EPHA4: variants seen among roughly 807,000 people sequenced by gnomAD.
EPHA4 encodes the protein EPH receptor A4.
EPHA4 carries 19 observed loss-of-function variants against 108.3 expected under a neutral mutation model. The ratio of observed to expected loss-of-function variants is 0.18; its 90% CI spans 0.12 to 0.26. EPHA4 has a LOEUF of 0.26. EPHA4 is among the 10% of genes least tolerant of loss of function. The pLI, the probability that EPHA4 is intolerant of heterozygous loss-of-function variation, is 1.00. For missense variants in EPHA4, 917 were observed against 1,254.0 expected (o/e 0.73, Z 4.06); for synonymous variants, 449 against 455.5 (o/e 0.99, Z 0.18).
chr2:221,493,667 G>C (rs1001247028), intron 4 of EPHA4, among the ~76,000 whole-genome samples: 1 of 152,150 alleles, frequency 6.6e-6, no homozygotes, highest in African/African-American at 2.4e-5. Flanking sequence ...CGAGGGCTTT[G>C]AGTAATAGAA....
chr2:221,470,895 A>G (rs1204090061), intron 5 of EPHA4, among the ~76,000 whole-genome samples: 3 of 152,146 alleles, frequency 2.0e-5, no homozygotes, highest in Non-Finnish European at 4.4e-5. Flanking sequence ...CTCAAAAGCT[A>G]TGGTACAGGT....
intron 4 of EPHA4, among the ~76,000 whole-genome samples, chr2:221,494,389 A>C (rs559388335): frequency 6.6e-6 from 1 of 152,340 alleles, no homozygotes; most frequent in African/African-American, 2.4e-5. Flanking sequence ...GGATCGCTTG[A>C]GGTCAGGAGT....
At chr2:221,485,688 T>C (rs930484404) in intron 4 of EPHA4, among the ~76,000 whole-genome samples, 5 of 152,188 alleles carry the variant, frequency 3.3e-5, no homozygotes, top group Admixed American at 6.5e-5. Context: ...GGTTTCTTTT[T>C]TTTTGTTTCC....
chr2:221,559,978 C>G (rs1694412206), intron 3 of EPHA4, among the ~76,000 whole-genome samples: 1 of 152,212 alleles, frequency 6.6e-6, no homozygotes, highest in Non-Finnish European at 1.5e-5. Context: ...TGCCCTCATC[C>G]TTCCTCTCCA....
At chr2:221,435,680 G>A (rs974715108) in intron 13 of EPHA4, among the ~76,000 whole-genome samples, 2 of 152,142 alleles carry the variant, frequency 1.3e-5, no homozygotes, top group African/African-American at 4.8e-5. Flanking sequence ...TATTCAGATA[G>A]TCGAGCTAAG....
chr2:221,465,402 G>A (rs16862708), intron 5 of EPHA4, among the ~76,000 whole-genome samples: 25,909 of 152,124 alleles, frequency 0.17, 2,498 homozygotes, highest in East Asian at 0.27. Flanking sequence ...CCTTTACAGA[G>A]AGCTATTGGT....
At chr2:221,440,026 C>T (rs1690367968) in intron 11 of EPHA4, among the ~76,000 whole-genome samples, 1 of 152,120 alleles carries the variant, frequency 6.6e-6, no homozygotes, top group Non-Finnish European at 1.5e-5. Flanking sequence ...TTTGTCAGAT[C>T]CTTTATGAGC....
At chr2:221,448,499 A>G (rs1057072260) in intron 8 of EPHA4, among the ~76,000 whole-genome samples, 1 of 152,184 alleles carries the variant, frequency 6.6e-6, no homozygotes, top group Non-Finnish European at 1.5e-5. Context: ...CCTGAAGCCA[A>G]ACAACTTTCT....
At chr2:221,556,468 T>C (rs998851653) in intron 3 of EPHA4, among the ~76,000 whole-genome samples, 1 of 148,466 alleles carries the variant, frequency 6.7e-6, no homozygotes, top group Non-Finnish European at 1.5e-5. Context: ...AGCTAATTTT[T>C]GTATTTTTTT....
chr2:221,501,099 A>G lies in EPHA4; in HGVS notation c.897T>C (p.Ser299=), dbSNP rs1382633182. ...TGCACGAGGTGGCTCCTTCCCAGACAGAGTAGCTGTGGGGTGGGCACTTGG... is the reference window on the plus strand; with the variant it reads ...TGCACGAGGTGGCTCCTTCCCAGACGGAGTAGCTGTGGGGTGGGCACTTGG... The part of the protein sequence containing the change: ...TCAKCPPHSY[S]VWEGATSCTC... Residue 299 remains serine (S), a synonymous_variant, in exon 4 of 18, where the codon TCT becomes TCC. Coordinates refer to ENST00000281821, the MANE Select transcript of EPHA4 (RefSeq NM_004438.5). 3 of 1,613,596 alleles carry G rather than the reference A, an allele frequency of 1.9e-6. No homozygotes were observed. The highest frequency in any genetic ancestry group is 2.5e-6 in the Non-Finnish European group (3 of 1,179,702).
rs1011192300 is a variant in EPHA4 at position 221,482,601 on chromosome 2, G to A, written c.1069C>T (p.Arg357Cys). 2.5e-6 allele frequency: 4 copies of A among 1,613,958 alleles called. No homozygotes were observed. Among genetic ancestry groups the A allele is most frequent in the South Asian group, 2.2e-5 (2 of 91,076 alleles). Residue 357 changes from arginine to cysteine, a missense_variant, in exon 5 of 18, where the codon CGC (arginine) becomes TGC (cysteine). Arg to Cys is a radical substitution (Grantham distance 180). Coordinates refer to ENST00000281821, the MANE Select transcript of EPHA4 (RefSeq NM_004438.5). ...ACCACATTATAGGAAATGTCCTGGC[G>A]GCCACCTGTATTCTGAGGGCTACTC... ...EWSSPQNTGG[R>C]QDISYNVVCK...
At chr2:221,529,682 G>T (rs1175693951) in intron 3 of EPHA4, among the ~76,000 whole-genome samples, 1 of 152,148 alleles carries the variant, frequency 6.6e-6, no homozygotes, top group African/African-American at 2.4e-5. Context: ...ACGCTGAAGG[G>T]CATAAGCTTG....
chr2:221,448,823 A>G (rs1412395576), intron 8 of EPHA4, among the ~76,000 whole-genome samples: 1 of 152,226 alleles, frequency 6.6e-6, no homozygotes, highest in African/African-American at 2.4e-5. Context: ...AAGCTTTGGT[A>G]CCAACTTAAA....
rs767466254 is a variant in EPHA4, at chr2:221,572,179, T to G, written c.70A>C (p.Arg24=). 3 of 1,613,934 alleles carry G rather than the reference T, an allele frequency of 1.9e-6. No homozygotes were observed. Among genetic ancestry groups the G allele is most frequent in the Non-Finnish European group, 1.7e-6 (2 of 1,179,920 alleles). The part of the protein sequence containing the change: ...FGICDAVTGS[R]VYPANEVTLL... ...TTACCTTCATTCGCGGGGTATACCCTGGAACCTGTGACAGCGTCGCAAATC... is the reference window on the plus strand; with the variant it reads ...TTACCTTCATTCGCGGGGTATACCCGGGAACCTGTGACAGCGTCGCAAATC... Residue 24 remains arginine, a synonymous_variant, in exon 1 of 18, where the codon AGG becomes CGG. Coordinates refer to ENST00000281821, the MANE Select transcript of EPHA4 (RefSeq NM_004438.5).
At chr2:221,513,626 C>T (rs951868413) in intron 3 of EPHA4, among the ~76,000 whole-genome samples, 2 of 152,030 alleles carry the variant, frequency 1.3e-5, no homozygotes, top group East Asian at 1.9e-4. Context: ...ATCCTGGCTC[C>T]TCTGATGGGT....
At chr2:221,424,650 C>T (rs1198374413) in intron 17 of EPHA4, among the ~76,000 whole-genome samples, 2 of 152,112 alleles carry the variant, frequency 1.3e-5, no homozygotes, top group Non-Finnish European at 1.5e-5. Flanking sequence ...CATGAGAAAG[C>T]CGAGGCGAGT....
intron 3 of EPHA4, among the ~76,000 whole-genome samples, chr2:221,530,437 C>T (rs376132964): frequency 1.1e-4 from 16 of 152,270 alleles, no homozygotes; most frequent in Non-Finnish European, 1.6e-4. Flanking sequence ...AACATTTGCG[C>T]GCAGTAGGAA....
intron 5 of EPHA4, among the ~76,000 whole-genome samples, chr2:221,459,645 A>G (rs1361089165): frequency 6.6e-6 from 1 of 152,186 alleles, no homozygotes; most frequent in Non-Finnish European, 1.5e-5. Context: ...AAATGCAAAA[A>G]GTGACTTTGT....
In EPHA4 at chr2:221,566,851, AAGG is replaced by A. The variant is rs1160188514; in HGVS notation, c.159+1864_159+1866del. Among the ~76,000 whole-genome samples the A allele has an allele frequency of 3.8e-3, 173 of 45,634 alleles. 22 individuals carry two copies. Among genetic ancestry groups the A allele is most frequent in the Middle Eastern group, 0.032 (4 of 126 alleles). 29.9% of individuals were successfully genotyped at this position (45,634 alleles called of 152,430 possible). A position where few individuals can be genotyped will look rare whatever the true frequency, so the allele number is the denominator to read the frequency against. On this transcript the variant is annotated intron_variant, in intron 2 of 17. Coordinates refer to ENST00000281821, the MANE Select transcript of EPHA4 (RefSeq NM_004438.5). ...GGAGAAGGAGAAGAAGGAGAAGGAG[AAGG>A]AGAAGAAGAAGAAGAAGAAGAAGGA...
Sources: allele counts gnomAD v4.1 joint callset (sites outside exome capture counted in the v4.1 genomes callset), GRCh38; gene constraint gnomAD v4.1.1; transcripts MANE v1.5; gene names NCBI Gene and HGNC (gene_info 2026-07-23, HGNC 2026-07-21).